NEO1: variants seen among roughly 807,000 people sequenced by gnomAD.
The protein encoded by NEO1 is neogenin 1.
NEO1 carries 63 observed loss-of-function variants against 159.7 expected under a neutral mutation model. That is an observed-to-expected ratio of 0.39 (90% confidence interval 0.32 to 0.49). The LOEUF (loss-of-function observed/expected upper bound fraction) is 0.49. Among genes scored for constraint, NEO1 ranks in the 20% least tolerant of loss-of-function variants. The pLI is 0.85. For missense variants in NEO1, 1,615 were observed against 1,831.0 expected (o/e 0.88, Z 2.15); for synonymous variants, 633 against 662.0 (o/e 0.96, Z 0.67).
intron 7 of NEO1, among the ~76,000 whole-genome samples, chr15:73,234,387 A>T (rs1174361154): frequency 6.6e-6 from 1 of 152,198 alleles, no homozygotes; most frequent in African/African-American, 2.4e-5. Context: ...CTCAGGCTCC[A>T]CAGTCTCCTA....
intron 1 of NEO1, among the ~76,000 whole-genome samples, chr15:73,102,121 C>T (rs1387787749): frequency 6.6e-6 from 1 of 152,162 alleles, no homozygotes; most frequent in Non-Finnish European, 1.5e-5. Context: ...GTAATCTCAG[C>T]ACTTTAGAGG....
Position 73,303,476 on chromosome 15 carries a change from G to A in NEO1, c.*780G>A, listed in dbSNP as rs1046073555. 1 of 143,052 alleles carries A rather than the reference G, an allele frequency of 7.0e-6. No homozygotes were observed. Among genetic ancestry groups the A allele is most frequent in the East Asian group, 2.4e-4 (1 of 4,250 alleles). The allele number at this position is 143,052 out of a possible 1,614,324, so 8.9% of individuals were successfully genotyped here. A position where few individuals can be genotyped will look rare whatever the true frequency, so the allele number is the denominator to read the frequency against. On this transcript the variant is annotated 3_prime_UTR_variant, in exon 29 of 29. Coordinates refer to ENST00000261908, the MANE Select transcript of NEO1 (RefSeq NM_002499.4). Reference sequence around the variant, plus strand: ...GTTTGTTGCTTTCTGTGCAGTTTCAGTATTGGGGCGGGTGGGGGGCTGGGG... The same window carrying A: ...GTTTGTTGCTTTCTGTGCAGTTTCAATATTGGGGCGGGTGGGGGGCTGGGG...
chr15:73,197,759 C>T (rs936141355), intron 7 of NEO1, among the ~76,000 whole-genome samples: 4 of 150,424 alleles, frequency 2.7e-5, no homozygotes, highest in South Asian at 2.1e-4. Flanking sequence ...CGGCTCACTG[C>T]AGCCTCTTCC....
At chr15:73,133,008 C>T (rs68053508) in intron 4 of NEO1, among the ~76,000 whole-genome samples, 14,112 of 152,076 alleles carry the variant, frequency 0.093, 813 homozygotes, top group African/African-American at 0.16. Flanking sequence ...ATCTATCATT[C>T]GATCCAGCAA....
chr15:73,160,585 A>T (rs1030775417), intron 5 of NEO1, among the ~76,000 whole-genome samples: 1 of 152,168 alleles, frequency 6.6e-6, no homozygotes, highest in Non-Finnish European at 1.5e-5. Flanking sequence ...TGAGGTTCCC[A>T]TGATCCCCTT....
intron 11 of NEO1, 147 bp from the exon 12 acceptor site, chr15:73,253,253 A>G: frequency 6.5e-6 from 3 of 462,674 alleles, no homozygotes; most frequent in Non-Finnish European, 1.1e-5. Flanking sequence ...TATTGTCAAC[A>G]TGAGGGCATT....
chr15:73,145,177 A>C (rs2032784233), intron 5 of NEO1, among the ~76,000 whole-genome samples: 1 of 152,228 alleles, frequency 6.6e-6, no homozygotes, highest in Non-Finnish European at 1.5e-5. Flanking sequence ...TGCTTACAGA[A>C]ATGAGATGAA....
rs2151275397 is a variant in NEO1 at position 73,065,114 on chromosome 15, G to A, written c.130+12309G>A. ...ACAGTGCAAGGCCTCTATAACACCT[G>A]AATTCCATTTGTCCTTCTCTTTTGT... On this transcript the variant is annotated intron_variant, in intron 1 of 28. Coordinates refer to ENST00000261908, the MANE Select transcript of NEO1 (RefSeq NM_002499.4). 1.3e-5 allele frequency among the ~76,000 whole-genome samples: 2 copies of A among 151,956 alleles called. 1 individual carries two copies. The highest frequency in any genetic ancestry group is 4.2e-4 in the South Asian group (2 of 4,808).
At chr15:73,070,969 T>C (rs978625292) in intron 1 of NEO1, among the ~76,000 whole-genome samples, 1 of 152,178 alleles carries the variant, frequency 6.6e-6, no homozygotes, top group African/African-American at 2.4e-5. Flanking sequence ...TGATTCTTTT[T>C]AAAAATATTT....
At chr15:73,097,891 C>G in intron 1 of NEO1, among the ~76,000 whole-genome samples, 1 of 148,348 alleles carries the variant, frequency 6.7e-6, no homozygotes, top group African/African-American at 2.5e-5. Flanking sequence ...ATTACTAGGC[C>G]TTTTAAGTGA....
intron 1 of NEO1, among the ~76,000 whole-genome samples, chr15:73,086,926 G>A (rs1300817639): frequency 6.6e-6 from 1 of 152,030 alleles, no homozygotes; most frequent in African/African-American, 2.4e-5. Context: ...AAAATGCTGG[G>A]ATTACATGCG....
At position 73,244,977 on chromosome 15, in the gene NEO1, A is replaced by AAAAAAAAAAAAAC. The variant is rs1555458859; in HGVS notation, c.1606+485_1606+486insAAAAAACAAAAAA. ...CTCAAAAAAAAAAAAAAAAAAAAAA[A>AAAAAAAAAAAAAC]AAAAAACAACAGCAAATAGTATAAG... On this transcript the variant is annotated intron_variant, in intron 9 of 28. Coordinates refer to ENST00000261908, the MANE Select transcript of NEO1 (RefSeq NM_002499.4). 8.0e-5 allele frequency among the ~76,000 whole-genome samples: 9 copies of AAAAAAAAAAAAAC among 111,960 alleles called. 2 individuals are homozygous for AAAAAAAAAAAAAC. Among genetic ancestry groups the AAAAAAAAAAAAAC allele is most frequent in the South Asian group, 6.7e-4 (2 of 2,980 alleles). The allele number at this position is 111,960 out of a possible 152,430, so 73.5% of individuals were successfully genotyped here.
Position 73,135,938 on chromosome 15 carries a change from A to C in NEO1, c.926A>C (p.Asp309Ala). The part of the protein sequence containing the change: ...LLAGGSLEIS[D>A]VTEDDAGTYF... ...GCAGGTGGTAGCCTGGAGATCAGTG[A>C]TGTTACTGAGGATGATGCTGGGACT... The change falls in exon 5 of 29, where the codon GAT (aspartate) becomes GCT (alanine). Residue 309 changes from aspartate to alanine, a missense_variant. Physicochemically the swap from Asp to Ala is moderately radical, Grantham distance 126. Coordinates refer to ENST00000261908, the MANE Select transcript of NEO1 (RefSeq NM_002499.4). 1 of 1,601,128 alleles carries C rather than the reference A, an allele frequency of 6.2e-7. No homozygotes were observed. Among genetic ancestry groups the C allele is most frequent in the Non-Finnish European group, 8.5e-7 (1 of 1,176,484 alleles).
At chr15:73,142,827 A>T (rs1204306345) in intron 5 of NEO1, among the ~76,000 whole-genome samples, 1 of 152,256 alleles carries the variant, frequency 6.6e-6, no homozygotes, top group Non-Finnish European at 1.5e-5. Flanking sequence ...ATCCAAAAAA[A>T]ATTTAAAATA....
intron 7 of NEO1, among the ~76,000 whole-genome samples, chr15:73,214,294 A>G (rs998502423): frequency 4.6e-5 from 7 of 152,108 alleles, no homozygotes; most frequent in Non-Finnish European, 1.0e-4. Flanking sequence ...CCAACTATTT[A>G]TTTTTGTTTT....
chr15:73,178,211 C>A, intron 6 of NEO1, 96 bp from the exon 7 acceptor site: 1 of 1,145,608 alleles, frequency 8.7e-7, no homozygotes, highest in Non-Finnish European at 1.2e-6. Context: ...AAAAACTTTA[C>A]TTGTTTTTTT....
intron 7 of NEO1, among the ~76,000 whole-genome samples, chr15:73,180,156 C>T (rs1053085987): frequency 2.0e-5 from 3 of 152,072 alleles, no homozygotes; most frequent in Non-Finnish European, 4.4e-5. Flanking sequence ...ATCTTTTATT[C>T]AAGTCAAATA....
intron 5 of NEO1, among the ~76,000 whole-genome samples, chr15:73,163,125 G>A (rs9920675): frequency 0.095 from 14,383 of 151,784 alleles, 913 homozygotes; most frequent in African/African-American, 0.17. Context: ...TATTGTTTTT[G>A]TAGTTATGAA....
At chr15:73,070,259 A>G (rs1341062677) in intron 1 of NEO1, among the ~76,000 whole-genome samples, 1 of 152,222 alleles carries the variant, frequency 6.6e-6, no homozygotes, top group Non-Finnish European at 1.5e-5. Flanking sequence ...AAGTTGATAT[A>G]AAAAATACAC....
Sources: gnomAD v4.1 joint callset for allele counts (sites outside exome capture counted in the v4.1 genomes callset) on GRCh38, gnomAD v4.1.1 for gene constraint, MANE v1.5 for transcripts, NCBI Gene and HGNC (gene_info 2026-07-23, HGNC 2026-07-21) for gene names.